FRY: variants seen among roughly 807,000 people sequenced by gnomAD.
FRY encodes the protein protein furry homolog.
A neutral mutation model predicts 348.4 loss-of-function variants in FRY; 128 were observed. The ratio of observed to expected loss-of-function variants is 0.37; its 90% CI spans 0.32 to 0.43. The LOEUF is 0.43. Among genes scored for constraint, FRY ranks in the 20% least tolerant of loss-of-function variants. FRY has a pLI of 1.00. For synonymous variants in FRY, 1,370 were observed against 1,374.7 expected (o/e 1.00, Z 0.08); for missense variants, 2,736 against 3,695.2 (o/e 0.74, Z 6.73).
intron 48 of FRY, 111 bp from the exon 49 acceptor site, chr13:32,249,415 C>G (rs1202573274): frequency 1.7e-6 from 2 of 1,177,016 alleles, no homozygotes; most frequent in African/African-American, 1.5e-5. Flanking sequence ...CTGAACTTCT[C>G]TAATCTGATT....
Position 32,124,277 on chromosome 13 carries a change from A to AT in FRY, c.465-5dup. 2 of 1,524,960 alleles carry AT rather than the reference A, an allele frequency of 1.3e-6. No individual in the cohort carries two copies. The highest frequency in any genetic ancestry group is 1.8e-6 in the Non-Finnish European group (2 of 1,098,838). 94.5% of individuals were successfully genotyped at this position (1,524,960 alleles called of 1,614,324 possible). A position where few individuals can be genotyped will look rare whatever the true frequency, so the allele number is the denominator to read the frequency against. ...GTGTGCTTTAATGTAAATATTTTAA[A>AT]TTTTACAGCGATGAACAACAGCGAG... On this transcript the variant is annotated splice_polypyrimidine_tract_variant and intron_variant, in intron 4 of 60. Transcript: ENST00000542859.
chr13:32,263,715 A>C (rs935774519), intron 53 of FRY, among the ~76,000 whole-genome samples: 4 of 152,246 alleles, frequency 2.6e-5, no homozygotes, highest in Non-Finnish European at 5.9e-5. Flanking sequence ...TCTCATAGAA[A>C]GTGCTACCTA....
At chr13:32,047,581 T>TCG (rs1555246715) in intron 1 of FRY, among the ~76,000 whole-genome samples, 1 of 142,364 alleles carries the variant, frequency 7.0e-6, no homozygotes, top group East Asian at 2.0e-4. Context: ...TCTTTTTTTT[T>TCG]GGGGGGGGTG....
Position 32,178,892 on chromosome 13 carries a change from C to T in FRY, c.2730C>T (p.Asn910=), listed in dbSNP as rs761905503. The change falls in exon 22 of 61, where the codon AAC becomes AAT. Residue 910 remains asparagine (N), a synonymous_variant. Transcript: ENST00000542859. ...KKTSTAGSGD[N]YVTLWRNYLI... is the part of the protein sequence containing the mutation. The stretch of plus-strand genomic sequence containing the variant: ...CCAGCACTGCCGGCAGCGGAGACAA[C>T]TATGTTACTTTGTGGAGAAATTACC... The T allele has an allele frequency of 9.9e-6, 16 of 1,613,658 alleles. No individual in the cohort carries two copies. Among genetic ancestry groups the T allele is most frequent in the East Asian group, 4.5e-5 (2 of 44,888 alleles).
At position 32,220,673 on chromosome 13, in the gene FRY, T is replaced by C. The variant is rs2138396146; in HGVS notation, c.4765+1842T>C. Among the ~76,000 whole-genome samples the C allele has an allele frequency of 2.0e-5, 3 of 152,370 alleles. No individual in the cohort carries two copies. The Middle Eastern group carries it at 0.01, about 518-fold the overall frequency. ...TTTAAGTTTAGGCCACCTTAATTCC[T>C]CTCAGCACATTTTGGCTGATTGGAT... On this transcript the variant is annotated intron_variant, in intron 36 of 60. Transcript: ENST00000542859.
intron 1 of FRY, among the ~76,000 whole-genome samples, chr13:32,070,518 G>A (rs1373837193): frequency 6.6e-6 from 1 of 150,384 alleles, no homozygotes; most frequent in African/African-American, 2.4e-5. Flanking sequence ...GTCTTCTTTT[G>A]AGACGTGTCT....
At chr13:32,205,587 T>A (rs748130564) in intron 31 of FRY, among the ~76,000 whole-genome samples, 1 of 152,114 alleles carries the variant, frequency 6.6e-6, no homozygotes, top group Non-Finnish European at 1.5e-5. Context: ...AAAATCATTA[T>A]CTTGGAAGGC....
intron 17 of FRY, among the ~76,000 whole-genome samples, chr13:32,168,421 T>A (rs1881873866): frequency 6.6e-6 from 1 of 152,128 alleles, no homozygotes; most frequent in Non-Finnish European, 1.5e-5. Context: ...TCCACAAACA[T>A]CCAGAATAAT....
rs1383348455 is a variant in FRY, at chr13:32,145,536, T to TG, written c.1180-1746_1180-1745insG. ...CTCTCTGACTGATTTGTTTTTTTTT[T>TG]TTTTTTTTTTTTTTTTTTTGAGACG... On this transcript the variant is annotated intron_variant, in intron 11 of 60. Transcript: ENST00000542859. Among the ~76,000 whole-genome samples, 458 of 133,562 alleles carry TG rather than the reference T, an allele frequency of 3.4e-3. 12 individuals are homozygous for TG. Among genetic ancestry groups the TG allele is most frequent in the African/African-American group, 0.01 (359 of 35,694 alleles). The allele number at this position is 133,562 out of a possible 152,430, so 87.6% of individuals were successfully genotyped here.
At chr13:32,231,831 G>A (rs906964188) in intron 41 of FRY, among the ~76,000 whole-genome samples, 1 of 152,226 alleles carries the variant, frequency 6.6e-6, no homozygotes, top group Non-Finnish European at 1.5e-5. Context: ...TCAGGTCCAA[G>A]TTGGCCTGGG....
chr13:32,294,213 A>G (rs531333399), intron 59 of FRY, among the ~76,000 whole-genome samples, 155 bp from the exon 60 acceptor site: 30 of 152,292 alleles, frequency 2.0e-4, no homozygotes, highest in African/African-American at 7.0e-4. Flanking sequence ...TCCCCTACAC[A>G]TACCATGGAG....
chr13:32,200,802 C>T (rs116386654), intron 29 of FRY, among the ~76,000 whole-genome samples: 1 of 152,316 alleles, frequency 6.6e-6, no homozygotes, highest in Admixed American at 6.5e-5. Flanking sequence ...CCCCCCATCC[C>T]ACACATGCTG....
intron 11 of FRY, among the ~76,000 whole-genome samples, chr13:32,141,681 T>C (rs1255450460): frequency 6.6e-6 from 1 of 152,234 alleles, no homozygotes; most frequent in East Asian, 1.9e-4. Flanking sequence ...TGAGTAACAT[T>C]GGTCTATACC....
chr13:32,123,650 G>A (rs799054), intron 4 of FRY, among the ~76,000 whole-genome samples: 72,826 of 152,052 alleles, frequency 0.48, 18,270 homozygotes, highest in South Asian at 0.67. Context: ...CATTTTACAG[G>A]TGGTAGAATT....
At chr13:32,190,212 T>C (rs973708258) in intron 28 of FRY, among the ~76,000 whole-genome samples, 9 of 151,724 alleles carry the variant, frequency 5.9e-5, no homozygotes, top group Non-Finnish European at 1.5e-5. Context: ...ATATAAAATA[T>C]GTAAACATCA....
intron 59 of FRY, among the ~76,000 whole-genome samples, chr13:32,292,910 G>A (rs940695429): frequency 2.0e-5 from 3 of 152,134 alleles, no homozygotes; most frequent in East Asian, 1.9e-4. Flanking sequence ...TCAGTCAGCA[G>A]CCATTAACAT....
chr13:32,095,293 A>G (rs984079219), intron 2 of FRY, among the ~76,000 whole-genome samples: 11 of 118,178 alleles, frequency 9.3e-5, no homozygotes, highest in Non-Finnish European at 1.4e-4. Flanking sequence ...TGTTCTGTGG[A>G]TTGTCTCTTC....
Position 32,178,971 on chromosome 13 carries a change from A to C in FRY, c.2809A>C (p.Arg937=). Residue 937 remains arginine, a synonymous_variant, in exon 22 of 61, where the codon AGA becomes CGA. Transcript: ENST00000542859. ...CAGTATTATGAGCCCAGGACACTTA[A>C]GAGCTTCCACTCCAGAAATAATGGC... ...KPSIMSPGHL[R]ASTPEIMATT... is the part of the protein sequence containing the mutation. 6.2e-7 allele frequency: 1 copy of C among 1,614,018 alleles called. No homozygotes were observed. The highest frequency in any genetic ancestry group is 8.5e-7 in the Non-Finnish European group (1 of 1,179,870).
intron 1 of FRY, among the ~76,000 whole-genome samples, chr13:32,055,312 G>A (rs1302344173): frequency 6.6e-6 from 1 of 152,120 alleles, no homozygotes; most frequent in African/African-American, 2.4e-5. Flanking sequence ...CAAAGTGGTG[G>A]GATTGCAGGA....
Sources: allele counts gnomAD v4.1 joint callset (sites outside exome capture counted in the v4.1 genomes callset), GRCh38; gene constraint gnomAD v4.1.1; transcripts MANE v1.5; gene names NCBI Gene and HGNC (gene_info 2026-07-23, HGNC 2026-07-21).